The following TOP2B variants were observed in gnomAD, a reference collection of about 807,000 sequenced individuals.
TOP2B encodes the protein DNA topoisomerase 2-beta.
A neutral mutation model predicts 193.5 loss-of-function variants in TOP2B; 51 were observed. The observed-to-expected ratio is 0.26, with a 90% CI of 0.21 to 0.33. TOP2B has a LOEUF of 0.33. Among genes scored for constraint, TOP2B ranks in the 10% least tolerant of loss-of-function variants. TOP2B has a pLI of 1.00. For synonymous variants in TOP2B, 634 were observed against 635.7 expected (o/e 1.00, Z 0.04); for missense variants, 1,378 against 1,909.3 (o/e 0.72, Z 5.19).
In TOP2B at chr3:25,623,531, A is replaced by C; in HGVS notation, c.2711T>G (p.Leu904Arg). The part of the protein sequence containing the change: ...VNNVRRMLDG[L>R]DPHPMLPNYK... ...AATAATTACCATGGGATGAGGATCC[A>C]GGCCATCTAGCATTCGTCTGACATT... Residue 904 changes from leucine to arginine, a missense_variant, in exon 21 of 36, where the codon CTG becomes CGG. Transcript: ENST00000264331. 6.2e-7 allele frequency: 1 copy of C among 1,613,890 alleles called. No individual in the cohort carries two copies. The highest frequency in any genetic ancestry group is 8.5e-7 in the Non-Finnish European group (1 of 1,179,782).
chr3:25,598,255 C>CA lies in TOP2B; in HGVS notation c.*51dup, dbSNP rs1701973016. 6.5e-7 allele frequency: 1 copy of CA among 1,527,570 alleles called. No homozygotes were observed. Among genetic ancestry groups the CA allele is most frequent in the African/African-American group, 1.4e-5 (1 of 72,350 alleles). 94.6% of individuals were successfully genotyped at this position (1,527,570 alleles called of 1,614,324 possible). A position where few individuals can be genotyped will look rare whatever the true frequency, so the allele number is the denominator to read the frequency against. On this transcript the variant is annotated 3_prime_UTR_variant, in exon 36 of 36. Coordinates refer to ENST00000264331, the MANE Select transcript of TOP2B (RefSeq NM_001330700.2). ...GTACAAAAGTCTGAGACAGAGAAGA[C>CA]AAAAGGACAACACAAGATATTTGTT... is the stretch of plus-strand genomic sequence containing the variant.
At position 25,664,881 on chromosome 3, in the gene TOP2B, T is replaced by C; in HGVS notation, c.-584A>G. On this transcript the variant is annotated 5_prime_UTR_variant, in exon 1 of 36. Transcript: ENST00000264331. ...GCCGCCGCCGCCACGGTCACCTCCC[T>C]CTTGTCCGGCATAACACCGCACACA... The C allele has an allele frequency of 1.0e-6, 1 of 990,568 alleles. No homozygotes were observed. Among genetic ancestry groups the C allele is most frequent in the Middle Eastern group, 2.8e-4 (1 of 3,546 alleles). 61.4% of individuals were successfully genotyped at this position (990,568 alleles called of 1,614,324 possible).
intron 1 of TOP2B, among the ~76,000 whole-genome samples, chr3:25,661,062 G>A (rs1194260432): frequency 4.0e-5 from 6 of 150,146 alleles, no homozygotes; most frequent in Non-Finnish European, 5.9e-5. Flanking sequence ...GTGCAATGGC[G>A]TGATCTCGGC....
In TOP2B at chr3:25,623,617, C is replaced by T; in HGVS notation, c.2625G>A (p.Glu875=). 1 of 1,613,864 alleles carries T rather than the reference C, an allele frequency of 6.2e-7. No individual in the cohort carries two copies. The highest frequency in any genetic ancestry group is 1.3e-5 in the African/African-American group (1 of 74,992). The part of the protein sequence containing the change: ...IIPMVLINGA[E]GIGTGWACKL... ...TACAAGCCCATCCAGTACCAATGCC[C>T]TCAGCACCATTTATTAAAACCATGG... Residue 875 remains glutamate (E), a synonymous_variant, in exon 21 of 36, where the codon GAG becomes GAA. Coordinates refer to ENST00000264331, the MANE Select transcript of TOP2B (RefSeq NM_001330700.2).
At position 25,635,978 on chromosome 3, in the gene TOP2B, C is replaced by T. The variant is rs770246304; in HGVS notation, c.810G>A (p.Ser270=). The T allele has an allele frequency of 9.5e-5, 153 of 1,613,210 alleles. 1 individual carries two copies. The highest frequency in any genetic ancestry group is 5.0e-5 in the Admixed American group (3 of 59,958). The change falls in exon 7 of 36, where the codon TCG becomes TCA. Residue 270 remains serine, a synonymous_variant. Transcript: ENST00000264331. Reference sequence around the variant, plus strand: ...TAAACATGACCTTGACCCCTCTACACGAACCAGCCAAATCATATGCCCTTC... The same window carrying T: ...TAAACATGACCTTGACCCCTCTACATGAACCAGCCAAATCATATGCCCTTC... ...MTRRAYDLAG[S]CRGVKVMFNG...
At chr3:25,628,171 TAA>T (rs11444499) in intron 15 of TOP2B, among the ~76,000 whole-genome samples, 11 of 130,120 alleles carry the variant, frequency 8.5e-5, no homozygotes, top group Admixed American at 7.6e-5. Flanking sequence ...TAACATTATT[TAA>T]AAAAAAAAAA....
In TOP2B at chr3:25,609,323, G is replaced by C. The variant is rs1702311256; in HGVS notation, c.3953C>G (p.Pro1318Arg). ...TGCACTAGGTTTACCAGATGATGTA[G>C]GTGTTTTTCTCACTCTGGTACCTAA... ...KEPGTRVRKT[P>R]TSSGKPSAKK... The change falls in exon 30 of 36, where the codon CCT becomes CGT. Residue 1318 changes from proline to arginine, a missense_variant. Coordinates refer to ENST00000264331, the MANE Select transcript of TOP2B (RefSeq NM_001330700.2). 6.3e-7 allele frequency: 1 copy of C among 1,595,376 alleles called. No homozygotes were observed. Among genetic ancestry groups the C allele is most frequent in the Non-Finnish European group, 8.6e-7 (1 of 1,169,348 alleles).
At chr3:25,635,200 C>T (rs1184748808) in intron 7 of TOP2B, among the ~76,000 whole-genome samples, 3 of 152,124 alleles carry the variant, frequency 2.0e-5, no homozygotes, top group African/African-American at 7.2e-5. Flanking sequence ...AACCTCAACA[C>T]TAATAACTAC....
chr3:25,630,522 T>C (rs1426504141), intron 11 of TOP2B, 53 bp from the exon 12 acceptor site: 1 of 1,393,196 alleles, frequency 7.2e-7, no homozygotes, highest in South Asian at 1.4e-5. Context: ...CTTTCACTGA[T>C]GAGAAAAATG....
chr3:25,615,103 C>A, intron 27 of TOP2B, 102 bp downstream of exon 27: 1 of 972,382 alleles, frequency 1.0e-6, no homozygotes, highest in Non-Finnish European at 1.5e-6. Context: ...AACATATTAA[C>A]CTTCACAGAG....
intron 1 of TOP2B, among the ~76,000 whole-genome samples, chr3:25,663,921 C>T (rs1413926631): frequency 1.3e-5 from 2 of 149,320 alleles, no homozygotes; most frequent in African/African-American, 5.1e-5. Context: ...TCGGCTGCCC[C>T]GGAAGAGTCT....
rs572942787 is a variant in TOP2B, at chr3:25,638,722, C to T, written c.396-412G>A. Among the ~76,000 whole-genome samples the T allele has an allele frequency of 1.5e-3, 229 of 151,948 alleles. 6 individuals carry two copies. The South Asian group carries it at 0.044, about 29-fold the overall frequency. ...TCACAATTTCAAAAAAAAAAATCAA[C>T]GTTTGGCATCCTTAACATTCTCTAA... is the stretch of plus-strand genomic sequence containing the variant. On this transcript the variant is annotated intron_variant, in intron 4 of 35. Transcript: ENST00000264331.
chr3:25,664,236 G>A lies in TOP2B; in HGVS notation c.62C>T (p.Thr21Ile), dbSNP rs1282814678. 1.6e-5 allele frequency: 25 copies of A among 1,539,286 alleles called. No individual in the cohort carries two copies. The East Asian group carries it at 5.9e-4, about 36-fold the overall frequency. The change falls in exon 1 of 36, where the codon ACC becomes ATC. Residue 21 changes from threonine to isoleucine, a missense_variant. Around this residue, in one of 9 missense-constraint regions of TOP2B, gnomAD observed 83 missense variants for 59.3 expected, o/e 1.40. Transcript: ENST00000264331. ...CGGGGACCAGCCACTTACCACCCAG[G>A]TCAGTGCCCCGTTGCCGCCGCCCAC... ...AGVGGGNGALTWVTLFDQNNA... is the reference protein window; with the variant it reads ...AGVGGGNGALIWVTLFDQNNA...
intron 25 of TOP2B, among the ~76,000 whole-genome samples, chr3:25,617,529 A>T (rs1702535780): frequency 6.6e-6 from 1 of 152,180 alleles, no homozygotes; most frequent in Admixed American, 6.5e-5. Flanking sequence ...GTAGTTTGAT[A>T]AAAAATACAA....
At chr3:25,626,938 T>G (rs1702817546) in intron 16 of TOP2B, 74 bp from the exon 17 acceptor site, 3 of 921,420 alleles carry the variant, frequency 3.3e-6, no homozygotes, top group Non-Finnish European at 4.9e-6. Flanking sequence ...AATGTATAAG[T>G]GGCCAATAAC....
At chr3:25,601,333 C>A in intron 33 of TOP2B, 108 bp from the exon 34 acceptor site, 1 of 1,362,132 alleles carries the variant, frequency 7.3e-7, no homozygotes, top group Non-Finnish European at 9.8e-7. Flanking sequence ...AACTGAGTTG[C>A]CTGGCTGGGC....
At chr3:25,621,898 A>G (rs1474291224) in intron 21 of TOP2B, among the ~76,000 whole-genome samples, 1 of 151,976 alleles carries the variant, frequency 6.6e-6, no homozygotes, top group Non-Finnish European at 1.5e-5. Flanking sequence ...CTGAGACAGC[A>G]GAATCACTTG....
rs906526032 is a variant in TOP2B, at chr3:25,629,235, A to C, written c.1690-90T>G. The C allele has an allele frequency of 7.4e-6, 7 of 940,456 alleles. No homozygotes were observed. In the African/African-American group the frequency reaches 8.5e-5, roughly 11 times the overall value. The allele number at this position is 940,456 out of a possible 1,614,324, so 58.3% of individuals were successfully genotyped here. ...CAAATTTTAAAACGTGAATGCAAAA[A>C]ACCAAAATTCTGAATTTTAGAAATG... is the stretch of plus-strand genomic sequence containing the variant. On this transcript the variant is annotated intron_variant, in intron 13 of 35. Transcript: ENST00000264331.
At chr3:25,644,153 C>G (rs1703346649) in intron 2 of TOP2B, among the ~76,000 whole-genome samples, 1 of 149,478 alleles carries the variant, frequency 6.7e-6, no homozygotes, top group Non-Finnish European at 1.5e-5. Flanking sequence ...ACGAACAAAG[C>G]AAGACTTTGG....
Sources: allele counts gnomAD v4.1 joint callset (sites outside exome capture counted in the v4.1 genomes callset), GRCh38; gene constraint gnomAD v4.1.1; regional missense constraint gnomAD v4.1.1; transcripts MANE v1.5; gene names NCBI Gene and HGNC (gene_info 2026-07-23, HGNC 2026-07-21).